The following VMP1 variants were observed in gnomAD, a reference collection of about 807,000 sequenced individuals.
VMP1 encodes ectopic P-granules autophagy protein 3 homolog.
A neutral mutation model predicts 56.0 loss-of-function variants in VMP1; 11 were observed. The observed-to-expected ratio is 0.20, with a 90% CI of 0.12 to 0.32. The LOEUF is 0.32. Among genes scored for constraint, VMP1 ranks in the 10% least tolerant of loss-of-function variants. The pLI is 1.00. For missense variants in VMP1, 296 were observed against 490.3 expected, an observed-to-expected ratio of 0.60 and a Z score of 3.74; for synonymous variants, 149 against 165.0, an observed-to-expected ratio of 0.90 and a Z score of 0.74.
chr17:59,800,291 C>G (rs1840398477), intron 7 of VMP1, among the ~76,000 whole-genome samples: 1 of 152,108 alleles, frequency 6.6e-6, no homozygotes, highest in African/African-American at 2.4e-5. Flanking sequence ...GTCTTAATAA[C>G]AAGTTATTGT....
At chr17:59,809,168 T>C (rs995673939) in intron 8 of VMP1, among the ~76,000 whole-genome samples, 1 of 150,970 alleles carries the variant, frequency 6.6e-6, no homozygotes, top group South Asian at 2.1e-4. Flanking sequence ...CCTGGCTAAT[T>C]TTTATATTTT....
intron 7 of VMP1, among the ~76,000 whole-genome samples, chr17:59,798,737 T>C (rs963995780): frequency 6.6e-6 from 1 of 152,014 alleles, no homozygotes; most frequent in African/African-American, 2.4e-5. Context: ...AAATACAAAA[T>C]TAGCCAGGTG....
chr17:59,756,327 T>C (rs2035842230), intron 5 of VMP1, among the ~76,000 whole-genome samples: 1 of 152,204 alleles, frequency 6.6e-6, no homozygotes, highest in Admixed American at 6.5e-5. Context: ...TCTTTTTTTG[T>C]TTATTTATCA....
intron 5 of VMP1, among the ~76,000 whole-genome samples, chr17:59,757,038 AT>A (rs1245824938): frequency 5.9e-5 from 9 of 152,226 alleles, no homozygotes; most frequent in African/African-American, 2.2e-4. Context: ...TTTACTTAAT[AT>A]TAAGCAGCAG....
intron 1 of VMP1, among the ~76,000 whole-genome samples, chr17:59,718,235 C>T (rs1163293380): frequency 8.8e-6 from 1 of 113,918 alleles, no homozygotes; most frequent in Non-Finnish European, 1.6e-5. Context: ...CTCGCTCTGT[C>T]ACCCAGGCTG....
intron 7 of VMP1, among the ~76,000 whole-genome samples, chr17:59,788,804 T>TAA (rs10640460): frequency 0.25 from 35,215 of 138,410 alleles, 4,694 homozygotes; most frequent in East Asian, 0.43. Context: ...AGACTCCATC[T>TAA]AAAAAAAAAA....
At chr17:59,711,216 C>T (rs528232891) in intron 1 of VMP1, among the ~76,000 whole-genome samples, 5 of 150,576 alleles carry the variant, frequency 3.3e-5, no homozygotes, top group African/African-American at 1.2e-4. Flanking sequence ...AGCCATTTCT[C>T]TAGTTATTTT....
At chr17:59,718,488 G>A (rs2058132666) in intron 1 of VMP1, among the ~76,000 whole-genome samples, 2 of 151,368 alleles carry the variant, frequency 1.3e-5, no homozygotes, top group South Asian at 4.2e-4. Flanking sequence ...GAGCCACCGT[G>A]CCCGGCCCCT....
rs896968915 is a variant in VMP1, at chr17:59,827,611, T to A, written c.974+9838T>A. On this transcript the variant is annotated intron_variant, in intron 10 of 11. Coordinates refer to ENST00000262291, the MANE Select transcript of VMP1 (RefSeq NM_030938.5). ...GGCATGAGCCGCTGTGCTGGCCTGA[T>A]TTTTAAGTTTTAGAACTCAGTGAGT... Among the ~76,000 whole-genome samples the A allele has an allele frequency of 2.3e-3, 351 of 152,206 alleles. 4 individuals carry two copies. The highest frequency in any genetic ancestry group is 7.5e-4 in the Non-Finnish European group (51 of 68,016).
chr17:59,786,536 A>T (rs2037012175), intron 7 of VMP1, among the ~76,000 whole-genome samples: 1 of 151,950 alleles, frequency 6.6e-6, no homozygotes, highest in African/African-American at 2.4e-5. Context: ...CCATTTGAAG[A>T]CTCTGGGTGT....
intron 7 of VMP1, among the ~76,000 whole-genome samples, chr17:59,777,990 A>G (rs1272482405): frequency 6.6e-6 from 1 of 152,072 alleles, no homozygotes; most frequent in Non-Finnish European, 1.5e-5. Context: ...AGTTGCTTCA[A>G]TGTTAGGCCT....
At chr17:59,724,306 A>C (rs1234933833) in intron 1 of VMP1, among the ~76,000 whole-genome samples, 1 of 152,192 alleles carries the variant, frequency 6.6e-6, no homozygotes, top group South Asian at 2.1e-4. Flanking sequence ...TTTGGGAGCA[A>C]AAACAAAGAA....
At chr17:59,747,225 T>G (rs1014762512) in intron 5 of VMP1, among the ~76,000 whole-genome samples, 2 of 152,158 alleles carry the variant, frequency 1.3e-5, no homozygotes, top group African/African-American at 4.8e-5. Context: ...AAAGAGCATT[T>G]CTTAATAGTT....
intron 10 of VMP1, among the ~76,000 whole-genome samples, chr17:59,830,735 T>C (rs9904374): frequency 0.15 from 22,546 of 152,232 alleles, 2,213 homozygotes; most frequent in African/African-American, 0.27. Context: ...TTATTAATGC[T>C]GGTAAAATAT....
chr17:59,713,203 A>G (rs1454922610), intron 1 of VMP1, among the ~76,000 whole-genome samples: 2 of 150,760 alleles, frequency 1.3e-5, no homozygotes, highest in African/African-American at 4.9e-5. Flanking sequence ...CACTTAAAGA[A>G]TCATCTATGG....
intron 2 of VMP1, among the ~76,000 whole-genome samples, chr17:59,732,353 C>T (rs1264488803): frequency 1.3e-5 from 2 of 152,182 alleles, no homozygotes; most frequent in African/African-American, 4.8e-5. Flanking sequence ...TCAAGCAATT[C>T]TGCCTCAGCC....
intron 1 of VMP1, among the ~76,000 whole-genome samples, chr17:59,716,417 A>G (rs932751715): frequency 2.0e-5 from 3 of 152,228 alleles, no homozygotes; most frequent in Non-Finnish European, 4.4e-5. Context: ...GGAACATTTG[A>G]AAATACTAGG....
intron 5 of VMP1, among the ~76,000 whole-genome samples, chr17:59,755,232 C>A (rs904286565): frequency 1.3e-5 from 2 of 151,804 alleles, no homozygotes; most frequent in African/African-American, 4.8e-5. Flanking sequence ...CTCACCCTCC[C>A]GAATAGTTGG....
chr17:59,719,989 T>G (rs1263316833), intron 1 of VMP1, among the ~76,000 whole-genome samples: 1 of 152,238 alleles, frequency 6.6e-6, no homozygotes, highest in African/African-American at 2.4e-5. Context: ...TCTGCCCGGT[T>G]TGTGTTCTCA....
Sources: gnomAD v4.1 joint callset for allele counts (sites outside exome capture counted in the v4.1 genomes callset) on GRCh38, gnomAD v4.1.1 for gene constraint, MANE v1.5 for transcripts, NCBI Gene and HGNC (gene_info 2026-07-23, HGNC 2026-07-21) for gene names.